SMAP1: variants seen among roughly 807,000 people sequenced by gnomAD.
SMAP1 encodes the protein stromal membrane-associated protein 1.
In SMAP1, 24 loss-of-function variants were observed where a neutral mutation model predicts 58.5. That is an observed-to-expected ratio of 0.41 (90% CI 0.30 to 0.58). The LOEUF is 0.58. Among genes scored for constraint, SMAP1 ranks in the 20% least tolerant of loss-of-function variants. SMAP1 has a pLI of 0.29. For synonymous variants in SMAP1, 216 were observed against 196.6 expected, an observed-to-expected ratio of 1.10 and a Z score of -0.82; for missense variants, 563 against 566.3, an observed-to-expected ratio of 0.99 and a Z score of 0.06.
chr6:70,794,523 C>G (rs753717121), intron 5 of SMAP1, among the ~76,000 whole-genome samples: 1 of 152,114 alleles, frequency 6.6e-6, no homozygotes, highest in Non-Finnish European at 1.5e-5. Flanking sequence ...TTGCTGCACT[C>G]GTCAACTCAT....
chr6:70,815,796 A>G (rs574047101), intron 6 of SMAP1, among the ~76,000 whole-genome samples: 70 of 152,182 alleles, frequency 4.6e-4, no homozygotes, highest in Non-Finnish European at 7.5e-4. Context: ...TTATATTTGC[A>G]TATATGTATT....
At chr6:70,727,463 T>C (rs2149855318) in intron 1 of SMAP1, among the ~76,000 whole-genome samples, 1 of 152,366 alleles carries the variant, frequency 6.6e-6, no homozygotes, top group South Asian at 2.1e-4. Flanking sequence ...ATTAATATTG[T>C]TGGCTGACAT....
chr6:70,675,017 A>G (rs1766418767), intron 1 of SMAP1, among the ~76,000 whole-genome samples: 1 of 152,064 alleles, frequency 6.6e-6, no homozygotes. Context: ...ATAGTTGTCT[A>G]CAAGCTAGTT....
At chr6:70,729,078 T>G (rs1255276616) in intron 1 of SMAP1, among the ~76,000 whole-genome samples, 2 of 152,218 alleles carry the variant, frequency 1.3e-5, no homozygotes, top group Non-Finnish European at 2.9e-5. Context: ...GCCTTTCATT[T>G]TCTCCCTAAG....
chr6:70,747,961 A>G (rs1241483980), intron 2 of SMAP1, among the ~76,000 whole-genome samples: 1 of 152,214 alleles, frequency 6.6e-6, no homozygotes, highest in Non-Finnish European at 1.5e-5. Flanking sequence ...ATTCTTTAAA[A>G]AAATAATTAA....
At chr6:70,801,658 T>G (rs950452039) in intron 6 of SMAP1, among the ~76,000 whole-genome samples, 4 of 152,252 alleles carry the variant, frequency 2.6e-5, no homozygotes, top group Admixed American at 6.5e-5. Context: ...GTCTTACATT[T>G]AAATATTTAA....
chr6:70,725,105 T>TG, intron 1 of SMAP1, among the ~76,000 whole-genome samples: 15 of 89,752 alleles, frequency 1.7e-4, no homozygotes, highest in African/African-American at 6.7e-4. Context: ...TTTTTTTTTT[T>TG]TTTTTTTTTT....
chr6:70,729,165 C>T (rs530478600), intron 1 of SMAP1, among the ~76,000 whole-genome samples: 20 of 152,166 alleles, frequency 1.3e-4, no homozygotes, highest in African/African-American at 4.3e-4. Context: ...TGAGGCTGGG[C>T]GTGATGGCTC....
chr6:70,830,832 GAGA>G (rs1475230681), intron 6 of SMAP1, among the ~76,000 whole-genome samples: 1 of 152,190 alleles, frequency 6.6e-6, no homozygotes, highest in Non-Finnish European at 1.5e-5. Context: ...GAAAGACAAA[GAGA>G]ATCAAATGTG....
intron 1 of SMAP1, among the ~76,000 whole-genome samples, chr6:70,714,704 T>C (rs1020098502): frequency 2.6e-5 from 4 of 151,822 alleles, no homozygotes; most frequent in African/African-American, 9.7e-5. Context: ...TTTTTTGGTA[T>C]AAAAAACAAA....
chr6:70,847,214 C>CA (rs2150006008), intron 7 of SMAP1, among the ~76,000 whole-genome samples: 1 of 152,214 alleles, frequency 6.6e-6, no homozygotes, highest in East Asian at 1.9e-4. Context: ...TTTTAGGTGA[C>CA]AAGAGACTGG....
chr6:70,755,308 A>G (rs1290677600), intron 3 of SMAP1, among the ~76,000 whole-genome samples: 1 of 151,950 alleles, frequency 6.6e-6, no homozygotes, highest in African/African-American at 2.4e-5. Context: ...GTGATTACAG[A>G]CCCCTGATTC....
chr6:70,701,756 A>G (rs1767639128), intron 1 of SMAP1, among the ~76,000 whole-genome samples: 2 of 152,108 alleles, frequency 1.3e-5, no homozygotes, highest in Admixed American at 6.5e-5. Context: ...AGTGTAGGCA[A>G]TTCAAAATTG....
Position 70,860,854 on chromosome 6 carries a change from C to A in SMAP1, c.*520C>A. The A allele has an allele frequency of 2.5e-6, 1 of 394,890 alleles. No homozygotes were observed. Among genetic ancestry groups the A allele is most frequent in the Non-Finnish European group, 4.5e-6 (1 of 223,752 alleles). 24.5% of individuals were successfully genotyped at this position (394,890 alleles called of 1,614,324 possible). ...TTCACTGTGCTGTTGTTATGATGTG[C>A]TTAACAGGGAACGTGATTAGTGAAA... On this transcript the variant is annotated 3_prime_UTR_variant, in exon 11 of 11. Transcript: ENST00000370455.
At chr6:70,855,035 C>T (rs776096096) in intron 8 of SMAP1, among the ~76,000 whole-genome samples, 5 of 117,728 alleles carry the variant, frequency 4.2e-5, no homozygotes, top group African/African-American at 6.3e-5. Flanking sequence ...ATGGAGAAAC[C>T]CCTTTCCTGT....
intron 1 of SMAP1, among the ~76,000 whole-genome samples, chr6:70,673,283 G>A (rs992160639): frequency 1.3e-5 from 2 of 152,146 alleles, no homozygotes; most frequent in South Asian, 4.1e-4. Context: ...TATGCTGATG[G>A]GGGCATAAGG....
intron 3 of SMAP1, among the ~76,000 whole-genome samples, chr6:70,758,859 A>T (rs1009310273): frequency 6.6e-6 from 1 of 152,130 alleles, no homozygotes; most frequent in African/African-American, 2.4e-5. Flanking sequence ...GAAGGAATTC[A>T]TTACCAGCAG....
At chr6:70,764,868 T>C (rs994433690) in intron 3 of SMAP1, among the ~76,000 whole-genome samples, 2 of 152,172 alleles carry the variant, frequency 1.3e-5, no homozygotes, top group Non-Finnish European at 2.9e-5. Context: ...GGTGCGATCA[T>C]AGTTCACTGC....
At chr6:70,753,921 T>C (rs1186040017) in intron 2 of SMAP1, among the ~76,000 whole-genome samples, 2 of 152,048 alleles carry the variant, frequency 1.3e-5, no homozygotes, top group East Asian at 3.9e-4. Flanking sequence ...CTAGAGGTGA[T>C]TGTATATTGG....
Sources: gnomAD v4.1 joint callset for allele counts (sites outside exome capture counted in the v4.1 genomes callset) on GRCh38, gnomAD v4.1.1 for gene constraint, MANE v1.5 for transcripts, NCBI Gene and HGNC (gene_info 2026-07-23, HGNC 2026-07-21) for gene names.